The following QKI variants were observed in gnomAD, a reference collection of about 807,000 sequenced individuals.
QKI encodes the protein QKI, KH domain containing RNA binding.
QKI carries 10 observed loss-of-function variants against 39.0 expected under a neutral mutation model. The ratio of observed to expected loss-of-function variants is 0.26; its 90% CI spans 0.16 to 0.43. The LOEUF is 0.43. QKI is among the 20% of genes least tolerant of loss of function. QKI has a pLI of 1.00. For missense variants in QKI, 218 were observed against 428.0 expected (o/e 0.51, Z 4.33); for synonymous variants, 204 against 155.4 (o/e 1.31, Z -2.33).
In QKI at chr6:163,577,789, T is replaced by C. The variant is rs981216595; in HGVS notation, c.*7079T>C. 5.9e-5 allele frequency: 9 copies of C among 152,170 alleles called. No individual in the cohort carries two copies. Among genetic ancestry groups the C allele is most frequent in the African/African-American group, 2.2e-4 (9 of 41,438 alleles). The allele number at this position is 152,170 out of a possible 1,614,324, so 9.4% of individuals were successfully genotyped here. ...ATGTTTTTCCTCCTGAAAAATCAGA[T>C]GAATATTTTAGTCACTGTTACTCAT... On this transcript the variant is annotated 3_prime_UTR_variant, in exon 8 of 8. Coordinates refer to ENST00000361752, the MANE Select transcript of QKI (RefSeq NM_006775.3).
chr6:163,519,252 A>G (rs1035083743), intron 3 of QKI, among the ~76,000 whole-genome samples: 1 of 152,176 alleles, frequency 6.6e-6, no homozygotes, highest in East Asian at 1.9e-4. Context: ...ACATAGTACT[A>G]TGAAATGAAA....
rs1247215175 is a variant in QKI, at chr6:163,577,296, C to T, written c.*6586C>T. 1.3e-5 allele frequency: 2 copies of T among 152,032 alleles called. No homozygotes were observed. The highest frequency in any genetic ancestry group is 4.1e-4 in the South Asian group (2 of 4,828). 9.4% of individuals were successfully genotyped at this position (152,032 alleles called of 1,614,324 possible). A position where few individuals can be genotyped will look rare whatever the true frequency, so the allele number is the denominator to read the frequency against. On this transcript the variant is annotated 3_prime_UTR_variant, in exon 8 of 8. Coordinates refer to ENST00000361752, the MANE Select transcript of QKI (RefSeq NM_006775.3). ...CCCACAGTTGCAGGATCCATAGCAC[C>T]GTCGTGCAGACTAGCAGCCCAAAGG...
At chr6:163,564,080 T>G (rs188822520) in intron 6 of QKI, 3 of 1,077,728 alleles carry the variant, frequency 2.8e-6, no homozygotes, top group Admixed American at 9.3e-5. Flanking sequence ...ATTTGAGATT[T>G]ATTTTATCTC....
intron 3 of QKI, among the ~76,000 whole-genome samples, chr6:163,519,024 C>A (rs141334961): frequency 6.6e-6 from 1 of 152,172 alleles, no homozygotes; most frequent in South Asian, 2.1e-4. Context: ...AGTAGCATAG[C>A]GACAAAAGTA....
intron 4 of QKI, among the ~76,000 whole-genome samples, chr6:163,561,763 A>G (rs1407947606): frequency 2.0e-5 from 3 of 152,248 alleles, no homozygotes; most frequent in Admixed American, 6.5e-5. Context: ...CAAAAAATTT[A>G]CAAATACAAT....
chr6:163,418,256 T>G (rs1045346134), intron 1 of QKI, among the ~76,000 whole-genome samples: 3 of 152,154 alleles, frequency 2.0e-5, no homozygotes, highest in Admixed American at 2.0e-4. Flanking sequence ...ATTTTAAATT[T>G]TTTATTTTAA....
chr6:163,575,791 C>G lies in QKI; in HGVS notation c.*5081C>G, dbSNP rs1562564891. 6.6e-6 allele frequency: 1 copy of G among 150,856 alleles called. No individual in the cohort carries two copies. Among genetic ancestry groups the G allele is most frequent in the African/African-American group, 2.5e-5 (1 of 40,422 alleles). The allele number at this position is 150,856 out of a possible 1,614,324, so 9.3% of individuals were successfully genotyped here. A position where few individuals can be genotyped will look rare whatever the true frequency, so the allele number is the denominator to read the frequency against. On this transcript the variant is annotated 3_prime_UTR_variant, in exon 8 of 8. Transcript: ENST00000361752. Reference sequence around the variant, plus strand: ...TGCTCACTACCAAATCAAGACTCTTCATATATATACGTGTGTGTATATATA... The same window carrying G: ...TGCTCACTACCAAATCAAGACTCTTGATATATATACGTGTGTGTATATATA...
intron 2 of QKI, among the ~76,000 whole-genome samples, chr6:163,458,677 G>A (rs1791119672): frequency 6.6e-6 from 1 of 152,126 alleles, no homozygotes; most frequent in African/African-American, 2.4e-5. Flanking sequence ...GAGAAATGAA[G>A]TAGTGCTATA....
rs891052132 is a variant in QKI at position 163,576,951 on chromosome 6, ATTT to A, written c.*6246_*6248del. 2 of 152,194 alleles carry A rather than the reference ATTT, an allele frequency of 1.3e-5. No individual in the cohort carries two copies. Among genetic ancestry groups the A allele is most frequent in the African/African-American group, 4.8e-5 (2 of 41,524 alleles). 9.4% of individuals were successfully genotyped at this position (152,194 alleles called of 1,614,324 possible). ...CATAGTTGGACTGTGCATCCAAAACATTTTTTTATCTTTAATAAATGGTACAGT... is the reference window on the plus strand; with the variant it reads ...CATAGTTGGACTGTGCATCCAAAACATTTTATCTTTAATAAATGGTACAGT... On this transcript the variant is annotated 3_prime_UTR_variant, in exon 8 of 8. Transcript: ENST00000361752.
chr6:163,569,313 TA>T, intron 7 of QKI: 1 of 1,072,184 alleles, frequency 9.3e-7, no homozygotes. Flanking sequence ...CATATGAAGG[TA>T]AATCAGTCCA....
intron 2 of QKI, among the ~76,000 whole-genome samples, chr6:163,474,991 C>T (rs2128224281): frequency 6.6e-6 from 1 of 151,894 alleles, no homozygotes; most frequent in Non-Finnish European, 1.5e-5. Flanking sequence ...TTTGAAGAGT[C>T]TATATTATAA....
At chr6:163,517,081 T>TC in intron 3 of QKI, among the ~76,000 whole-genome samples, 1 of 97,672 alleles carries the variant, frequency 1.0e-5, no homozygotes, top group Non-Finnish European at 1.9e-5. Flanking sequence ...CTCTCTCTCT[T>TC]TCTCTCTCTC....
intron 6 of QKI, chr6:163,566,494 G>A: frequency 7.4e-7 from 1 of 1,358,082 alleles, no homozygotes. Flanking sequence ...TAAATGAATG[G>A]ATACAATAGG....
At chr6:163,415,535 G>T (rs971544492) in intron 1 of QKI, among the ~76,000 whole-genome samples, 200 bp downstream of exon 1, 4 of 151,332 alleles carry the variant, frequency 2.6e-5, no homozygotes, top group Non-Finnish European at 5.9e-5. Flanking sequence ...ACCCGCCGGT[G>T]CCGGACGCCC....
At chr6:163,448,477 C>T (rs975612059) in intron 1 of QKI, among the ~76,000 whole-genome samples, 4 of 151,974 alleles carry the variant, frequency 2.6e-5, no homozygotes, top group Non-Finnish European at 4.4e-5. Context: ...CCTGTAATCC[C>T]AGCACTTTGT....
At chr6:163,528,317 T>C (rs1780635136) in intron 3 of QKI, among the ~76,000 whole-genome samples, 1 of 152,154 alleles carries the variant, frequency 6.6e-6, no homozygotes, top group Admixed American at 6.5e-5. Flanking sequence ...GATTCCACTA[T>C]TCTGTGTTCC....
chr6:163,425,758 ATTTG>A (rs1203043637), intron 1 of QKI, among the ~76,000 whole-genome samples: 1 of 152,164 alleles, frequency 6.6e-6, no homozygotes, highest in African/African-American at 2.4e-5. Flanking sequence ...TGTGGGGCTC[ATTTG>A]TTTAGCTGTC....
intron 2 of QKI, among the ~76,000 whole-genome samples, chr6:163,474,677 T>C (rs1301931185): frequency 6.6e-6 from 1 of 151,454 alleles, no homozygotes; most frequent in East Asian, 1.9e-4. Flanking sequence ...TAATCCTAGC[T>C]CTTTGGGAGG....
At chr6:163,431,198 A>G (rs1178218618) in intron 1 of QKI, among the ~76,000 whole-genome samples, 2 of 152,226 alleles carry the variant, frequency 1.3e-5, no homozygotes, top group East Asian at 1.9e-4. Context: ...AAAAAGTTAT[A>G]TTATTCCACT....
Sources: allele counts gnomAD v4.1 joint callset (sites outside exome capture counted in the v4.1 genomes callset), GRCh38; gene constraint gnomAD v4.1.1; transcripts MANE v1.5; gene names NCBI Gene and HGNC (gene_info 2026-07-23, HGNC 2026-07-21).